RHAG: variants seen among roughly 807,000 people sequenced by gnomAD.
The protein encoded by RHAG is Rh associated glycoprotein.
RHAG carries 25 observed loss-of-function variants against 42.4 expected under a neutral mutation model. The observed-to-expected ratio is 0.59, with a 90% CI of 0.43 to 0.82. The LOEUF is 0.82. Among genes scored for constraint, RHAG ranks in the 40% least tolerant of loss-of-function variants. The pLI is 0.00. For missense variants in RHAG, 483 were observed against 504.6 expected, an observed-to-expected ratio of 0.96 and a Z score of 0.41; for synonymous variants, 182 against 177.7, an observed-to-expected ratio of 1.02 and a Z score of -0.19.
chr6:49,634,122 A>G (rs1376762822), intron 1 of RHAG, among the ~76,000 whole-genome samples: 2 of 152,178 alleles, frequency 1.3e-5, no homozygotes, highest in Non-Finnish European at 2.9e-5. Context: ...ATTTCTTTGT[A>G]TAAGAAACAT....
At position 49,612,642 on chromosome 6, in the gene RHAG, AG is replaced by A. The variant is rs1269067615; in HGVS notation, c.808-109del. The A allele has an allele frequency of 3.6e-5, 47 of 1,290,476 alleles. No individual in the cohort carries two copies. The Admixed American group carries it at 7.3e-4, about 20-fold the overall frequency. 79.9% of individuals were successfully genotyped at this position (1,290,476 alleles called of 1,614,324 possible). ...ACCCACATCACATTCTTCAGTTGAA[AG>A]GGCTATTGGTTCTTTTTTAAAAAGA... On this transcript the variant is annotated intron_variant, in intron 5 of 9. Coordinates refer to ENST00000371175, the MANE Select transcript of RHAG (RefSeq NM_000324.3).
At position 49,614,703 on chromosome 6, in the gene RHAG, C is replaced by T. The variant is rs761362339; in HGVS notation, c.791G>A (p.Arg264Gln). The T allele has an allele frequency of 2.4e-5, 39 of 1,613,686 alleles. No individual in the cohort carries two copies. Among genetic ancestry groups the T allele is most frequent in the African/African-American group, 1.6e-4 (12 of 74,910 alleles). Residue 264 changes from arginine to glutamine, a missense_variant, in exon 5 of 10, where the codon CGA becomes CAA. Coordinates refer to ENST00000371175, the MANE Select transcript of RHAG (RefSeq NM_000324.3). ...AFAFSSLVEH[R>Q]GKLNMVHIQN... ...GGCACTTACCATGTTGAGCTTGCCT[C>T]GGTGCTCCACTAGGCTGGAGAAGGC...
At chr6:49,616,280 T>C (rs985100684) in intron 3 of RHAG, among the ~76,000 whole-genome samples, 2 of 148,788 alleles carry the variant, frequency 1.3e-5, no homozygotes, top group African/African-American at 5.0e-5. Context: ...AGCCTAGGAG[T>C]TTGAGGTTAC....
At chr6:49,622,618 TG>T (rs1359038586) in intron 1 of RHAG, among the ~76,000 whole-genome samples, 1 of 152,118 alleles carries the variant, frequency 6.6e-6, no homozygotes, top group Non-Finnish European at 1.5e-5. Flanking sequence ...CCACCATGAC[TG>T]TGAGGCCTCC....
At chr6:49,606,698 C>T (rs9473620) in intron 9 of RHAG, 150 bp downstream of exon 9, 7 of 681,650 alleles carry the variant, frequency 1.0e-5, no homozygotes, top group Admixed American at 4.2e-5. Flanking sequence ...AGCCGCCCAA[C>T]GTGCTGAGAT....
At chr6:49,624,409 T>C (rs372336318) in intron 1 of RHAG, among the ~76,000 whole-genome samples, 1 of 152,166 alleles carries the variant, frequency 6.6e-6, no homozygotes, top group South Asian at 2.1e-4. Flanking sequence ...TTCACCATGT[T>C]GGCCAGGTTG....
chr6:49,614,670 G>A lies in RHAG; in HGVS notation c.807+17C>T, dbSNP rs1762623150. The A allele has an allele frequency of 1.2e-6, 2 of 1,612,468 alleles. No homozygotes were observed. Among genetic ancestry groups the A allele is most frequent in the Admixed American group, 3.3e-5 (2 of 60,008 alleles). On this transcript the variant is annotated intron_variant, in intron 5 of 9. Transcript: ENST00000371175. ...GTTGTGAAGCAAAATTTCCATGAGG[G>A]CTAAGGCGGCACTTACCATGTTGAG... is the stretch of plus-strand genomic sequence containing the variant.
chr6:49,613,051 T>A (rs952965856), intron 5 of RHAG, among the ~76,000 whole-genome samples: 1 of 151,502 alleles, frequency 6.6e-6, no homozygotes, highest in Non-Finnish European at 1.5e-5. Context: ...CATTTGAGGA[T>A]GAAGGAAAGA....
chr6:49,607,082 C>T (rs1023243799), intron 8 of RHAG, 68 bp downstream of exon 8: 1 of 1,395,626 alleles, frequency 7.2e-7, no homozygotes, highest in Non-Finnish European at 1.0e-6. Context: ...TTGACTTGCT[C>T]ATTAATTATC....
intron 7 of RHAG, among the ~76,000 whole-genome samples, chr6:49,608,403 C>T (rs541984991): frequency 5.0e-4 from 76 of 152,030 alleles, no homozygotes; most frequent in Admixed American, 1.2e-3. Context: ...TTTTTTGAGA[C>T]GGAGTCTCGC....
intron 5 of RHAG, among the ~76,000 whole-genome samples, chr6:49,612,857 T>C (rs1044200272): frequency 2.6e-5 from 4 of 152,102 alleles, no homozygotes; most frequent in African/African-American, 9.7e-5. Context: ...TCTCGCAATG[T>C]TTTTTCTATT....
chr6:49,609,748 T>C lies in RHAG; in HGVS notation c.1067+1276A>G, dbSNP rs1474278119. ...TGATCTCAACAGGGTTAAATTTTAA[T>C]CTGCTAAAACTGAAGATAAGATTTT... On this transcript the variant is annotated intron_variant, in intron 7 of 9. Coordinates refer to ENST00000371175, the MANE Select transcript of RHAG (RefSeq NM_000324.3). Among the ~76,000 whole-genome samples the C allele has an allele frequency of 2.6e-5, 4 of 152,238 alleles. No homozygotes were observed. In the East Asian group the frequency reaches 7.7e-4, roughly 29 times the overall value.
chr6:49,606,983 A>C, intron 8 of RHAG, 62 bp from the exon 9 acceptor site: 1 of 1,254,122 alleles, frequency 8.0e-7, no homozygotes. Context: ...CTACTTGCAT[A>C]GTAGCTTATA....
intron 1 of RHAG, among the ~76,000 whole-genome samples, chr6:49,632,929 G>A (rs1312570615): frequency 6.6e-6 from 1 of 152,094 alleles, no homozygotes; most frequent in African/African-American, 2.4e-5. Flanking sequence ...TAGGTGCTAT[G>A]GAAGCCAAAA....
intron 1 of RHAG, among the ~76,000 whole-genome samples, chr6:49,630,266 T>C (rs1023954582): frequency 5.3e-5 from 8 of 152,366 alleles, no homozygotes; most frequent in African/African-American, 1.9e-4. Flanking sequence ...CATTTGTCAG[T>C]TATTCAAATA....
intron 1 of RHAG, among the ~76,000 whole-genome samples, chr6:49,622,771 G>T (rs1391376704): frequency 1.3e-5 from 2 of 150,422 alleles, no homozygotes. Context: ...CATAATTTCT[G>T]TTAGTGGAAC....
At chr6:49,621,473 A>G (rs1282430721) in intron 1 of RHAG, among the ~76,000 whole-genome samples, 1 of 152,070 alleles carries the variant, frequency 6.6e-6, no homozygotes, top group Non-Finnish European at 1.5e-5. Context: ...CTCTGCCCAA[A>G]TTCTTTCCCT....
chr6:49,630,453 T>A (rs1480202650), intron 1 of RHAG, among the ~76,000 whole-genome samples: 2 of 152,190 alleles, frequency 1.3e-5, no homozygotes, highest in African/African-American at 2.4e-5. Flanking sequence ...GAGGGCCAGC[T>A]TTTTAGTGGC....
chr6:49,634,802 A>T (rs1762983026), intron 1 of RHAG, among the ~76,000 whole-genome samples: 1 of 152,016 alleles, frequency 6.6e-6, no homozygotes, highest in Admixed American at 6.6e-5. Flanking sequence ...ATTTTTAAAC[A>T]GATTTATTGA....
Sources: allele counts gnomAD v4.1 joint callset (sites outside exome capture counted in the v4.1 genomes callset), GRCh38; gene constraint gnomAD v4.1.1; transcripts MANE v1.5; gene names NCBI Gene and HGNC (gene_info 2026-07-23, HGNC 2026-07-21).